FA2H: variants seen among roughly 807,000 people sequenced by gnomAD.
FA2H encodes the protein fatty acid alpha-hydroxylase.
FA2H carries 22 observed loss-of-function variants against 44.9 expected under a neutral mutation model. The ratio of observed to expected loss-of-function variants is 0.49; its 90% CI spans 0.35 to 0.70. The LOEUF (loss-of-function observed/expected upper bound fraction) is 0.70, where lower values mean the gene tolerates loss of function less well. FA2H is among the 30% of genes least tolerant of loss of function. FA2H has a pLI of 0.01. For missense variants in FA2H, 501 were observed against 504.9 expected (o/e 0.99, Z 0.07); for synonymous variants, 243 against 213.2 (o/e 1.14, Z -1.22).
In FA2H at chr16:74,736,600, T is replaced by C. The variant is rs1273944693; in HGVS notation, c.363+3423A>G. Among the ~76,000 whole-genome samples the C allele has an allele frequency of 2.0e-5, 3 of 152,230 alleles. No homozygotes were observed. The East Asian group carries it at 5.8e-4, about 29-fold the overall frequency. On this transcript the variant is annotated intron_variant, in intron 2 of 6. Coordinates refer to ENST00000219368, the MANE Select transcript of FA2H (RefSeq NM_024306.5). ...GGGGCAGGGACAGGGAGTTTGGGGA[T>C]GCCTGCTGGATGCGTCTATCTGTCC...
chr16:74,714,290 G>A (rs748501626), intron 6 of FA2H, 21 bp from the exon 7 acceptor site: 1 of 1,496,534 alleles, frequency 6.7e-7, no homozygotes, highest in Non-Finnish European at 9.1e-7. Flanking sequence ...AGACAAACGG[G>A]GAGAAGATGA....
At chr16:74,717,929 G>C (rs73614661) in intron 5 of FA2H, among the ~76,000 whole-genome samples, 5,902 of 152,312 alleles carry the variant, frequency 0.039, 164 homozygotes, top group African/African-American at 0.07. Context: ...GAGCTCTGCA[G>C]AGCAGAGGCC....
At position 74,714,145 on chromosome 16, in the gene FA2H, G is replaced by T; in HGVS notation, c.*45C>A. On this transcript the variant is annotated 3_prime_UTR_variant, in exon 7 of 7. Coordinates refer to ENST00000219368, the MANE Select transcript of FA2H (RefSeq NM_024306.5). ...CTGAATGGCGGGTGGGGGTCGGGAA[G>T]GGGCCAGGGCCGGGCTGAGGGCAGG... 1 of 1,296,488 alleles carries T rather than the reference G, an allele frequency of 7.7e-7. No homozygotes were observed. The highest frequency in any genetic ancestry group is 1.1e-6 in the Non-Finnish European group (1 of 916,418). 80.3% of individuals were successfully genotyped at this position (1,296,488 alleles called of 1,614,324 possible).
chr16:74,715,422 G>A (rs1961671884), intron 6 of FA2H, among the ~76,000 whole-genome samples: 1 of 152,024 alleles, frequency 6.6e-6, no homozygotes, highest in Non-Finnish European at 1.5e-5. Context: ...CTTCTAGGTA[G>A]CTGAGATTAC....
intron 1 of FA2H, among the ~76,000 whole-genome samples, chr16:74,759,153 C>T (rs1282538748): frequency 6.6e-6 from 1 of 152,230 alleles, no homozygotes; most frequent in East Asian, 1.9e-4. Flanking sequence ...GTGGGACCAG[C>T]AATTAGAACT....
chr16:74,741,862 G>GTGTGTGTA (rs1962318098), intron 1 of FA2H, among the ~76,000 whole-genome samples: 1 of 144,848 alleles, frequency 6.9e-6, no homozygotes, highest in South Asian at 2.1e-4. Context: ...GTGTATGTGT[G>GTGTGTGTA]TGTGTGTATG....
intron 1 of FA2H, 28 bp downstream of exon 1, chr16:74,774,457 TG>T (rs774904489): frequency 2.7e-6 from 4 of 1,495,636 alleles, no homozygotes; most frequent in Non-Finnish European, 3.5e-6. Context: ...AGGCCTGGGT[TG>T]GGGTGGGGGG....
chr16:74,731,960 C>G (rs1446970192), intron 2 of FA2H, among the ~76,000 whole-genome samples: 4 of 152,332 alleles, frequency 2.6e-5, no homozygotes, highest in African/African-American at 9.6e-5. Flanking sequence ...GCAGCACCAA[C>G]CTCCTAAGCT....
intron 1 of FA2H, among the ~76,000 whole-genome samples, chr16:74,766,803 C>T (rs1418489436): frequency 6.6e-6 from 1 of 152,186 alleles, no homozygotes; most frequent in Admixed American, 6.5e-5. Context: ...ATACCCCAGA[C>T]ATAATACTGA....
At chr16:74,744,122 C>G (rs1223777696) in intron 1 of FA2H, among the ~76,000 whole-genome samples, 3 of 152,182 alleles carry the variant, frequency 2.0e-5, no homozygotes, top group African/African-American at 7.2e-5. Context: ...GCATGCCACA[C>G]ACGTTGATCT....
intron 1 of FA2H, among the ~76,000 whole-genome samples, chr16:74,769,550 T>G (rs1374079467): frequency 6.6e-6 from 1 of 152,172 alleles, no homozygotes; most frequent in Middle Eastern, 3.2e-3. Context: ...GCGAAAGACT[T>G]ATACAATCTG....
chr16:74,741,856 ATGTG>A (rs1310407237), intron 1 of FA2H, among the ~76,000 whole-genome samples: 10 of 80,440 alleles, frequency 1.2e-4, no homozygotes, highest in South Asian at 4.2e-4. Context: ...GTATGTGTGT[ATGTG>A]TGTGTGTGTA....
At chr16:74,743,562 A>G (rs1962354409) in intron 1 of FA2H, among the ~76,000 whole-genome samples, 2 of 152,152 alleles carry the variant, frequency 1.3e-5, no homozygotes. Context: ...ATTCCTCTGA[A>G]TCATGGACCA....
chr16:74,716,216 G>C, intron 6 of FA2H, 131 bp downstream of exon 6: 1 of 982,680 alleles, frequency 1.0e-6, no homozygotes, highest in Non-Finnish European at 1.5e-6. Flanking sequence ...CCAGGGAAGA[G>C]AGTAGAGGGA....
At chr16:74,738,821 A>G (rs1187665724) in intron 2 of FA2H, among the ~76,000 whole-genome samples, 2 of 152,194 alleles carry the variant, frequency 1.3e-5, no homozygotes, top group Non-Finnish European at 1.5e-5. Context: ...TTCGGAAACC[A>G]GGTCCCAGCT....
intron 1 of FA2H, among the ~76,000 whole-genome samples, chr16:74,767,595 C>A (rs952737368): frequency 1.3e-5 from 2 of 152,128 alleles, no homozygotes; most frequent in African/African-American, 4.8e-5. Context: ...GGAGGAGACG[C>A]AGCAACAGAG....
chr16:74,720,180 C>CTTTTTTTTTTTTTTTTTTTTTTTTT (rs56341013), intron 4 of FA2H, among the ~76,000 whole-genome samples: 1 of 47,242 alleles, frequency 2.1e-5, no homozygotes, highest in Admixed American at 3.4e-4. Flanking sequence ...CATCCTCATC[C>CTTTTTTTTTTTTTTTTTTTTTTTTT]TTTTTTTTTT....
chr16:74,732,521 C>T (rs920318266), intron 2 of FA2H, among the ~76,000 whole-genome samples: 6 of 151,694 alleles, frequency 4.0e-5, no homozygotes, highest in Non-Finnish European at 4.4e-5. Flanking sequence ...ACTGCAACCT[C>T]CACTTCTCCG....
chr16:74,762,820 A>G (rs6564168), intron 1 of FA2H, among the ~76,000 whole-genome samples: 69,437 of 152,054 alleles, frequency 0.46, 16,810 homozygotes, highest in African/African-American at 0.55. Context: ...GAGCCACTGC[A>G]CCCGGCCTAG....
Sources: allele counts gnomAD v4.1 joint callset (sites outside exome capture counted in the v4.1 genomes callset), GRCh38; gene constraint gnomAD v4.1.1; transcripts MANE v1.5; gene names NCBI Gene and HGNC (gene_info 2026-07-23, HGNC 2026-07-21).